Variants in SCUBE2 observed in about 807,000 individuals in gnomAD.
SCUBE2 encodes the protein signal peptide, CUB domain and EGF like domain containing 2, also known as signal peptide, CUB and EGF-like domain-containing protein 2.
Under a neutral mutation model 125.9 loss-of-function variants are expected in SCUBE2, and 114 were observed. The observed-to-expected ratio is 0.91, with a 90% CI of 0.78 to 1.06. The LOEUF (loss-of-function observed/expected upper bound fraction) is 1.06. Ranked by LOEUF, SCUBE2 falls within the 50% of genes least tolerant of loss-of-function variation. SCUBE2 has a pLI of 0.00. For synonymous variants in SCUBE2, 459 were observed against 492.9 expected (o/e 0.93, Z 0.91); for missense variants, 1,255 against 1,301.8 (o/e 0.96, Z 0.55).
chr11:9,026,576 C>G (rs1024951713), intron 20 of SCUBE2: 2 of 151,204 alleles, frequency 1.3e-5, no homozygotes, highest in African/African-American at 4.9e-5. Context: ...CCCGAGTAGC[C>G]GGAACCACAG....
chr11:9,031,919 C>G (rs58974974), intron 17 of SCUBE2, among the ~76,000 whole-genome samples: 1,852 of 152,240 alleles, frequency 0.012, 43 homozygotes, highest in African/African-American at 0.043. Context: ...TTGGGAGGAG[C>G]CTGGAGCCTG....
At chr11:9,063,148 A>T (rs1019707798) in intron 7 of SCUBE2, among the ~76,000 whole-genome samples, 39 of 152,126 alleles carry the variant, frequency 2.6e-4, no homozygotes, top group Admixed American at 5.2e-4. Context: ...GGGGAGGCTG[A>T]GGCAGGAAAG....
At chr11:9,077,386 T>C (rs1398601268) in intron 3 of SCUBE2, among the ~76,000 whole-genome samples, 1 of 152,162 alleles carries the variant, frequency 6.6e-6, no homozygotes, top group Non-Finnish European at 1.5e-5. Flanking sequence ...TGAAGGCAGA[T>C]GGGGTGAGCT....
In SCUBE2 at chr11:9,050,704, G is replaced by A. The variant is rs1170609112; in HGVS notation, c.1541C>T (p.Thr514Ile). ...KSNDSAFGDV[T>I]TIRTSVTFKL... ...AAAGGTTACACTTGTCCTGATGGTG[G>A]TGACATCTTCAGAAAGAAACAAGTG... The change falls in exon 14 of 23, where the codon ACC becomes ATC. Residue 514 changes from threonine to isoleucine, a missense_variant. This residue lies in a region of SCUBE2 where 378 missense variants were observed against 463.1 expected (regional missense o/e 0.82). Coordinates refer to ENST00000649792, the MANE Select transcript of SCUBE2 (RefSeq NM_001367977.2). 15 of 1,612,458 alleles carry A rather than the reference G, an allele frequency of 9.3e-6. No homozygotes were observed. In the South Asian group the frequency reaches 1.5e-4, roughly 17 times the overall value.
At chr11:9,074,709 G>T (rs1025919834) in intron 3 of SCUBE2, 94 bp from the exon 4 acceptor site, 4 of 1,433,724 alleles carry the variant, frequency 2.8e-6, no homozygotes, top group Non-Finnish European at 3.9e-6. Context: ...CAAAGATGAG[G>T]TTCCTCTTCA....
At position 9,091,289 on chromosome 11, in the gene SCUBE2, G is replaced by T; in HGVS notation, c.133+107C>A. 1 of 793,750 alleles carries T rather than the reference G, an allele frequency of 1.3e-6. No individual in the cohort carries two copies. Among genetic ancestry groups the T allele is most frequent in the Non-Finnish European group, 1.7e-6 (1 of 601,628 alleles). 49.2% of individuals were successfully genotyped at this position (793,750 alleles called of 1,614,324 possible). On this transcript the variant is annotated intron_variant, in intron 1 of 22. Transcript: ENST00000649792. The surrounding 1 kb of genome is among the most constrained non-coding windows in gnomAD (Gnocchi z 8.5). ...CAGAGGCCCCCGCGGAGCTGCAGCC[G>T]CCAGCCCCGAGCCCCGCGCGCCCGG...
chr11:9,086,880 C>T (rs1862125260), intron 2 of SCUBE2, among the ~76,000 whole-genome samples: 1 of 149,904 alleles, frequency 6.7e-6, no homozygotes, highest in Admixed American at 6.6e-5. Flanking sequence ...AAAAGAGGGA[C>T]ATCCTTACTT....
At chr11:9,037,424 C>T (rs910246030) in intron 16 of SCUBE2, among the ~76,000 whole-genome samples, 6 of 152,238 alleles carry the variant, frequency 3.9e-5, no homozygotes, top group Non-Finnish European at 8.8e-5. Flanking sequence ...AAGCTTGAAG[C>T]CTCCGCCTCT....
chr11:9,075,619 G>A (rs1469319985), intron 3 of SCUBE2, among the ~76,000 whole-genome samples: 1 of 152,200 alleles, frequency 6.6e-6, no homozygotes, highest in Non-Finnish European at 1.5e-5. Context: ...GAAGCAGCTG[G>A]GAACCACTAG....
At chr11:9,054,725 A>ATATATATATTT (rs1368153935) in intron 10 of SCUBE2, among the ~76,000 whole-genome samples, 1 of 22,344 alleles carries the variant, frequency 4.5e-5, no homozygotes, top group Non-Finnish European at 7.1e-5. Flanking sequence ...ATATATATAT[A>ATATATATATTT]TTTTTTTTTT....
rs61409328 is a variant in SCUBE2 at position 9,058,595 on chromosome 11, C to CAAAAAAAA, written c.1090+700_1090+707dup. Reference sequence around the variant, plus strand: ...TGGGTGACAGAGCGAGACTCTGTCTCAAAAAAAAAAAAAAAAAAAAAAAAA... The same window carrying CAAAAAAAA: ...TGGGTGACAGAGCGAGACTCTGTCTCAAAAAAAAAAAAAAAAAAAAAAAAAAAAAAAAA... On this transcript the variant is annotated intron_variant, in intron 9 of 22. Transcript: ENST00000649792. Among the ~76,000 whole-genome samples, 142 of 44,310 alleles carry CAAAAAAAA rather than the reference C, an allele frequency of 3.2e-3. 13 individuals carry two copies. Among genetic ancestry groups the CAAAAAAAA allele is most frequent in the African/African-American group, 0.011 (135 of 11,756 alleles). The allele number at this position is 44,310 out of a possible 152,430, so 29.1% of individuals were successfully genotyped here.
At chr11:9,050,337 T>C (rs928815722) in intron 14 of SCUBE2, 3 of 369,402 alleles carry the variant, frequency 8.1e-6, no homozygotes, top group African/African-American at 4.1e-5. Flanking sequence ...TATTGACTTC[T>C]GTGAACTCGT....
At chr11:9,072,045 T>G (rs756251659) in intron 4 of SCUBE2, among the ~76,000 whole-genome samples, 1 of 152,210 alleles carries the variant, frequency 6.6e-6, no homozygotes, top group Non-Finnish European at 1.5e-5. Flanking sequence ...ATCAGTATCT[T>G]GAGCTTTCCC....
Position 9,060,201 on chromosome 11 carries a change from T to C in SCUBE2, c.967+207A>G, listed in dbSNP as rs183972517. Reference sequence around the variant, plus strand: ...AGAGGCTGACCTCCTCAACAATTAGTGTAATTAAGTGTTGGTTCTAATTAA... The same window carrying C: ...AGAGGCTGACCTCCTCAACAATTAGCGTAATTAAGTGTTGGTTCTAATTAA... On this transcript the variant is annotated intron_variant, in intron 8 of 22. Transcript: ENST00000649792. Among the ~76,000 whole-genome samples the C allele has an allele frequency of 3.3e-3, 495 of 152,298 alleles. 2 individuals carry two copies. Among genetic ancestry groups the C allele is most frequent in the African/African-American group, 0.011 (475 of 41,566 alleles).
intron 16 of SCUBE2, 57 bp from the exon 17 acceptor site, chr11:9,033,853 T>G: frequency 6.3e-7 from 1 of 1,579,506 alleles, no homozygotes; most frequent in Non-Finnish European, 8.7e-7. Flanking sequence ...GGAAGGATGA[T>G]GTGAGTTCTA....
In SCUBE2 at chr11:9,091,483, G is replaced by T; in HGVS notation, c.46C>A (p.Leu16Met). ...RNRPGAAWAV[L>M]LLLLLLPPLL... is the part of the protein sequence containing the mutation. ...GGCGGCAGCAGCAGCAGCAGCAGCA[G>T]CACCGCCCAGGCCGCCCCGGGACGG... Residue 16 changes from leucine (L) to methionine (M), a missense_variant, in exon 1 of 23, where the codon CTG (leucine) becomes ATG (methionine). Physicochemically the swap from Leu to Met is conservative, Grantham distance 15. Around this residue, in one of 3 missense-constraint regions of SCUBE2, gnomAD observed 362 missense variants for 323.0 expected, o/e 1.12. Transcript: ENST00000649792. This position sits in a 1 kb window ranked among gnomAD's most constrained non-coding sequence, Gnocchi z 8.5. 1 of 898,474 alleles carries T rather than the reference G, an allele frequency of 1.1e-6. No homozygotes were observed. The highest frequency in any genetic ancestry group is 1.5e-6 in the Non-Finnish European group (1 of 684,446). 55.7% of individuals were successfully genotyped at this position (898,474 alleles called of 1,614,324 possible).
At chr11:9,044,772 A>G (rs1448589681) in intron 16 of SCUBE2, among the ~76,000 whole-genome samples, 1 of 151,892 alleles carries the variant, frequency 6.6e-6, no homozygotes, top group Non-Finnish European at 1.5e-5. Context: ...CCTTCCTTCC[A>G]GTACCTTGGG....
At chr11:9,048,552 T>C (rs1238120856) in intron 14 of SCUBE2, among the ~76,000 whole-genome samples, 2 of 152,228 alleles carry the variant, frequency 1.3e-5, no homozygotes, top group African/African-American at 4.8e-5. Context: ...CAAACTGACC[T>C]TGGAGTCATT....
chr11:9,085,248 G>A (rs1861954686), intron 2 of SCUBE2, among the ~76,000 whole-genome samples: 1 of 152,124 alleles, frequency 6.6e-6, no homozygotes, highest in Non-Finnish European at 1.5e-5. Flanking sequence ...AATAAAGTTT[G>A]TAGTTTACTT....
Sources: allele counts gnomAD v4.1 joint callset (sites outside exome capture counted in the v4.1 genomes callset), GRCh38; gene constraint gnomAD v4.1.1; regional missense constraint gnomAD v4.1.1; non-coding constraint Gnocchi (gnomAD v3.1); transcripts MANE v1.5; gene names NCBI Gene and HGNC (gene_info 2026-07-23, HGNC 2026-07-21).